Variants in SLC24A4 observed in about 807,000 individuals in gnomAD.
SLC24A4 encodes solute carrier family 24 member 4.
A neutral mutation model predicts 79.0 loss-of-function variants in SLC24A4; 53 were observed. The ratio of observed to expected loss-of-function variants is 0.67; its 90% CI spans 0.54 to 0.84. SLC24A4 has a LOEUF of 0.84. Among genes scored for constraint, SLC24A4 ranks in the 40% least tolerant of loss-of-function variants. The pLI, the probability that SLC24A4 is intolerant of heterozygous loss-of-function variation, is 0.00. For missense variants in SLC24A4, 731 were observed against 822.0 expected (o/e 0.89, Z 1.35); for synonymous variants, 323 against 323.8 (o/e 1.00, Z 0.03).
rs774668339 is a variant in SLC24A4, at chr14:92,433,953, C to A, written c.283C>A (p.Arg95=). 6.2e-7 allele frequency: 1 copy of A among 1,614,186 alleles called. No individual in the cohort carries two copies. The highest frequency in any genetic ancestry group is 8.5e-7 in the Non-Finnish European group (1 of 1,180,014). The change falls in exon 3 of 17, where the codon CGA becomes AGA. Residue 95 remains arginine (R), a synonymous_variant. Transcript: ENST00000532405. The part of the protein sequence containing the change: ...FPTDLFSNKE[R]QHGAVLLHIL... ...CACAGATCTGTTCTCCAATAAGGAG[C>A]GACAGCACGGAGCCGTCCTGCTGCA...
intron 2 of SLC24A4, among the ~76,000 whole-genome samples, chr14:92,416,846 G>A (rs969988912): frequency 2.0e-5 from 3 of 152,228 alleles, no homozygotes; most frequent in African/African-American, 7.2e-5. Flanking sequence ...TAGAAGGAAT[G>A]AGGCAGACTT....
At chr14:92,408,386 G>C in intron 2 of SLC24A4, 1 of 985,400 alleles carries the variant, frequency 1.0e-6, no homozygotes. Flanking sequence ...AGCAATAAGT[G>C]CCTGTGTGTT....
intron 2 of SLC24A4, among the ~76,000 whole-genome samples, chr14:92,370,176 G>A (rs4900118): frequency 0.98 from 149,230 of 152,304 alleles, 73,165 homozygotes; most frequent in East Asian, 1. Context: ...GCAAAAGAGA[G>A]CCCATAGAAT....
rs554557360 is a variant in SLC24A4, at chr14:92,489,470, G to A, written c.1538-2195G>A. Among the ~76,000 whole-genome samples, 78 of 152,148 alleles carry A rather than the reference G, an allele frequency of 5.1e-4. 1 individual carries two copies. The highest frequency in any genetic ancestry group is 9.0e-4 in the Non-Finnish European group (61 of 67,986). ...AGCTTCCTGATGACAAAAGATCCAG[G>A]AACCCCTGTTCAGAGCCTGCTGTAC... On this transcript the variant is annotated intron_variant, in intron 14 of 16. Coordinates refer to ENST00000532405, the MANE Select transcript of SLC24A4 (RefSeq NM_153646.4).
At chr14:92,421,728 G>A (rs1891292026) in intron 2 of SLC24A4, among the ~76,000 whole-genome samples, 1 of 151,924 alleles carries the variant, frequency 6.6e-6, no homozygotes, top group African/African-American at 2.4e-5. Flanking sequence ...GGGTGGTCTC[G>A]AACTCCTGAC....
At chr14:92,409,702 G>GT (rs924771352) in intron 2 of SLC24A4, among the ~76,000 whole-genome samples, 17 of 151,378 alleles carry the variant, frequency 1.1e-4, no homozygotes, top group East Asian at 3.9e-4. Flanking sequence ...GGATTGTTTG[G>GT]TTTTTTTTTA....
At chr14:92,327,575 C>T (rs573560456) in intron 2 of SLC24A4, among the ~76,000 whole-genome samples, 2 of 152,326 alleles carry the variant, frequency 1.3e-5, no homozygotes, top group East Asian at 1.9e-4. Flanking sequence ...GATAAAGAAT[C>T]AGGGTTCAGG....
chr14:92,461,532 G>A (rs1436479126), intron 12 of SLC24A4, among the ~76,000 whole-genome samples: 3 of 152,144 alleles, frequency 2.0e-5, no homozygotes, highest in Non-Finnish European at 4.4e-5. Flanking sequence ...TTTTGTTCAC[G>A]TGGCCTTGTT....
chr14:92,479,196 A>C (rs1894927291), intron 12 of SLC24A4, among the ~76,000 whole-genome samples: 1 of 152,022 alleles, frequency 6.6e-6, no homozygotes, highest in South Asian at 2.1e-4. Flanking sequence ...TTTCTTGCCT[A>C]ATTTTCTTGG....
intron 2 of SLC24A4, among the ~76,000 whole-genome samples, chr14:92,429,638 G>A (rs569195095): frequency 1.2e-4 from 18 of 152,326 alleles, no homozygotes; most frequent in Admixed American, 1.2e-3. Context: ...CAAGAACAGA[G>A]GGCCTGCTCC....
chr14:92,399,305 A>G (rs1889958552), intron 2 of SLC24A4, among the ~76,000 whole-genome samples: 1 of 152,188 alleles, frequency 6.6e-6, no homozygotes, highest in Admixed American at 6.5e-5. Flanking sequence ...CCTACTACGT[A>G]GGGATAAAGA....
rs1885906441 is a variant in SLC24A4, at chr14:92,337,914, A to G, written c.241+11936A>G. ...TTAAACTGAAGTATAACTTCACAGT[A>G]CAAATTTTCGGAGCTGCCCTCTGAT... is the stretch of plus-strand genomic sequence containing the variant. On this transcript the variant is annotated intron_variant, in intron 2 of 16. Transcript: ENST00000532405. Among the ~76,000 whole-genome samples, 5 of 152,194 alleles carry G rather than the reference A, an allele frequency of 3.3e-5. No individual in the cohort carries two copies. The East Asian group carries it at 7.7e-4, about 23-fold the overall frequency.
intron 2 of SLC24A4, among the ~76,000 whole-genome samples, chr14:92,368,527 T>C (rs905058460): frequency 6.6e-6 from 1 of 152,154 alleles, no homozygotes; most frequent in African/African-American, 2.4e-5. Context: ...CTGAAGGTAA[T>C]GGATTGAAAT....
intron 2 of SLC24A4, among the ~76,000 whole-genome samples, chr14:92,433,347 C>A (rs960414538): frequency 1.6e-4 from 24 of 152,198 alleles, no homozygotes; most frequent in Non-Finnish European, 2.9e-4. Flanking sequence ...ACTCAAACCC[C>A]AAGCATTTGA....
chr14:92,480,885 G>A (rs1895030095), intron 12 of SLC24A4, among the ~76,000 whole-genome samples: 1 of 152,066 alleles, frequency 6.6e-6, no homozygotes, highest in Non-Finnish European at 1.5e-5. Context: ...CTTTATTATT[G>A]TTGCTTGTTT....
chr14:92,391,393 C>A (rs1041220793), intron 2 of SLC24A4, among the ~76,000 whole-genome samples: 3 of 152,212 alleles, frequency 2.0e-5, no homozygotes, highest in Non-Finnish European at 4.4e-5. Context: ...TGGGTTGTTA[C>A]CACGCTAAAC....
chr14:92,436,723 C>T (rs78794460), intron 3 of SLC24A4, among the ~76,000 whole-genome samples: 7,268 of 152,224 alleles, frequency 0.048, 207 homozygotes, highest in Middle Eastern at 0.12. Flanking sequence ...GAAATCGGGG[C>T]GCCATCTTGG....
chr14:92,445,231 C>A, intron 7 of SLC24A4, 86 bp from the exon 8 acceptor site: 1 of 1,485,646 alleles, frequency 6.7e-7, no homozygotes, highest in Non-Finnish European at 9.4e-7. Context: ...TATAAATTGG[C>A]TCTGGGTGCC....
chr14:92,470,614 G>A (rs140310501), intron 12 of SLC24A4, among the ~76,000 whole-genome samples: 136 of 152,036 alleles, frequency 8.9e-4, no homozygotes, highest in African/African-American at 3.1e-3. Flanking sequence ...GCAGCCCTCC[G>A]TTCTCTTGTT....
Sources: allele counts gnomAD v4.1 joint callset (sites outside exome capture counted in the v4.1 genomes callset), GRCh38; gene constraint gnomAD v4.1.1; transcripts MANE v1.5; gene names NCBI Gene and HGNC (gene_info 2026-07-23, HGNC 2026-07-21).